Variants in UPP2 observed in about 807,000 individuals in gnomAD.
UPP2 encodes the protein uridine phosphorylase 2, also known as UPase 2.
Under a neutral mutation model 26.7 loss-of-function variants are expected in UPP2, and 23 were observed. The ratio of observed to expected loss-of-function variants is 0.86; its 90% CI spans 0.62 to 1.22. The LOEUF (loss-of-function observed/expected upper bound fraction) is 1.22. UPP2 is among the 50% of genes most tolerant of loss of function. The pLI is 0.00. For synonymous variants in UPP2, 127 were observed against 141.3 expected, an observed-to-expected ratio of 0.90 and a Z score of 0.72; for missense variants, 387 against 396.7, an observed-to-expected ratio of 0.98 and a Z score of 0.21.
At chr2:158,014,423 T>A (rs966589274) in intron 2 of UPP2, among the ~76,000 whole-genome samples, 4 of 152,176 alleles carry the variant, frequency 2.6e-5, no homozygotes, top group Non-Finnish European at 5.9e-5. Context: ...GGTAGTAAAT[T>A]CTTCTTATGG....
At chr2:158,122,070 G>T (rs758026293) in intron 5 of UPP2, among the ~76,000 whole-genome samples, 13 of 151,882 alleles carry the variant, frequency 8.6e-5, no homozygotes, top group Non-Finnish European at 1.6e-4. Flanking sequence ...TCTCAGAGCG[G>T]GGTTTTTATC....
At chr2:158,071,222 C>CATCCGTCCCACAACCCCAG (rs1390986257) in intron 3 of UPP2, among the ~76,000 whole-genome samples, 2 of 152,076 alleles carry the variant, frequency 1.3e-5, no homozygotes, top group African/African-American at 4.8e-5. Context: ...GTGCAAGCAT[C>CATCCGTCCCACAACCCCAG]ATCCCTCCCA....
At chr2:158,134,186 T>C (rs1278916144) in intron 6 of UPP2, among the ~76,000 whole-genome samples, 1 of 152,228 alleles carries the variant, frequency 6.6e-6, no homozygotes, top group East Asian at 1.9e-4. Flanking sequence ...TCATATCATG[T>C]TTTTTCCTCT....
In UPP2 at chr2:158,081,582, G is replaced by A. The variant is rs139734703; in HGVS notation, c.148-20458G>A. Among the ~76,000 whole-genome samples, 342 of 152,264 alleles carry A rather than the reference G, an allele frequency of 2.2e-3. 4 individuals are homozygous for A. Among genetic ancestry groups the A allele is most frequent in the African/African-American group, 8.0e-3 (334 of 41,556 alleles). ...GAAGCAATCTAAGTGTCGATCAGTG[G>A]TTGAATAGATAAAGGAAATGTGGTC... is the stretch of plus-strand genomic sequence containing the variant. On this transcript the variant is annotated intron_variant, in intron 3 of 9. Coordinates refer to the UPP2 transcript ENST00000605860.
At chr2:158,073,410 G>A (rs1014006709) in intron 3 of UPP2, among the ~76,000 whole-genome samples, 1 of 152,072 alleles carries the variant, frequency 6.6e-6, no homozygotes, top group Non-Finnish European at 1.5e-5. Flanking sequence ...AAAGATAGGA[G>A]TAGAAAGTTT....
rs2105188127 is a variant in UPP2, at chr2:158,072,278, T to C, written c.148-29762T>C. Among the ~76,000 whole-genome samples, 2 of 152,114 alleles carry C rather than the reference T, an allele frequency of 1.3e-5. 1 individual carries two copies. Among genetic ancestry groups the C allele is most frequent in the African/African-American group, 4.8e-5 (2 of 41,506 alleles). On this transcript the variant is annotated intron_variant, in intron 3 of 9. Transcript: ENST00000605860. The stretch of plus-strand genomic sequence containing the variant: ...AGGGAGGGAAGAACAGGAAAGACTT[T>C]GTTTTGTGGTTTGAGGGCCAGCTTA...
At chr2:158,026,768 A>G (rs1683839222) in intron 3 of UPP2, among the ~76,000 whole-genome samples, 2 of 152,312 alleles carry the variant, frequency 1.3e-5, no homozygotes, top group South Asian at 2.1e-4. Context: ...TGATAAAGAC[A>G]TACCCAAAAC....
intron 3 of UPP2, among the ~76,000 whole-genome samples, chr2:158,032,407 A>G (rs1373436949): frequency 6.6e-6 from 1 of 152,102 alleles, no homozygotes; most frequent in Non-Finnish European, 1.5e-5. Flanking sequence ...CAGGTATATG[A>G]CAAAGAGCTT....
intron 3 of UPP2, among the ~76,000 whole-genome samples, chr2:158,065,069 G>A (rs966430243): frequency 5.9e-5 from 9 of 152,280 alleles, no homozygotes; most frequent in Non-Finnish European, 1.3e-4. Flanking sequence ...CAGTGAGATC[G>A]ACGCAGTAGG....
chr2:158,015,420 TC>T (rs1442773013), intron 2 of UPP2, among the ~76,000 whole-genome samples: 1 of 152,216 alleles, frequency 6.6e-6, no homozygotes, highest in Non-Finnish European at 1.5e-5. Flanking sequence ...ATAATTTCCT[TC>T]CTTTTTTAGG....
Position 158,048,463 on chromosome 2 carries a change from G to A in UPP2, c.147+32577G>A, listed in dbSNP as rs190869237. Among the ~76,000 whole-genome samples the A allele has an allele frequency of 5.0e-4, 76 of 152,256 alleles. 1 individual carries two copies. Among genetic ancestry groups the A allele is most frequent in the African/African-American group, 1.7e-3 (70 of 41,546 alleles). On this transcript the variant is annotated intron_variant, in intron 3 of 9. Transcript: ENST00000605860. ...TCTACCAAAAAATAAAATTACCCAG[G>A]CATGGTGCCATGCACCTGTGGTCCC...
intron 3 of UPP2, among the ~76,000 whole-genome samples, chr2:158,066,568 A>C (rs1682438387): frequency 6.6e-6 from 1 of 150,804 alleles, no homozygotes; most frequent in African/African-American, 2.4e-5. Flanking sequence ...TTGCCTGCTC[A>C]CTCCATGTTT....
At chr2:158,118,157 T>C (rs1460802555) in intron 4 of UPP2, among the ~76,000 whole-genome samples, 4 of 151,972 alleles carry the variant, frequency 2.6e-5, no homozygotes, top group Non-Finnish European at 4.4e-5. Flanking sequence ...TCTCACTGCC[T>C]ATTGCGGGAT....
chr2:158,095,862 A>C (rs1395301004), intron 3 of UPP2, among the ~76,000 whole-genome samples: 1 of 152,098 alleles, frequency 6.6e-6, no homozygotes, highest in Non-Finnish European at 1.5e-5. Flanking sequence ...CTTAGACAAA[A>C]GCTTTTACAT....
Position 158,006,284 on chromosome 2 carries a change from C to T in UPP2, c.62-9517C>T, listed in dbSNP as rs139528976. On this transcript the variant is annotated intron_variant, in intron 2 of 9. Transcript: ENST00000605860. ...ACCATCCTGGCTAACACGGTGAAAC[C>T]CCGTGTTATTTAGTCTTTACTAAGA... 9.7e-3 allele frequency among the ~76,000 whole-genome samples: 1,472 copies of T among 152,100 alleles called. 11 individuals are homozygous for T. Among genetic ancestry groups the T allele is most frequent in the Non-Finnish European group, 0.015 (1,048 of 67,978 alleles).
intron 1 of UPP2, among the ~76,000 whole-genome samples, chr2:158,104,568 C>T (rs535422329): frequency 1.3e-4 from 19 of 151,940 alleles, no homozygotes; most frequent in Admixed American, 2.0e-4. Flanking sequence ...AAGTGAGAAT[C>T]GATAAAGATA....
At chr2:158,065,741 T>C (rs1682424508) in intron 3 of UPP2, 1 of 678,706 alleles carries the variant, frequency 1.5e-6, no homozygotes, top group Admixed American at 2.1e-5. Flanking sequence ...GTACCCATGT[T>C]CTCGATAGGC....
chr2:158,075,309 G>A (rs1682613429), intron 3 of UPP2, among the ~76,000 whole-genome samples: 1 of 151,954 alleles, frequency 6.6e-6, no homozygotes, highest in African/African-American at 2.4e-5. Flanking sequence ...TAGTATAAAT[G>A]TAAATGTTCT....
At chr2:158,037,032 C>T (rs1039139661) in intron 3 of UPP2, among the ~76,000 whole-genome samples, 2 of 152,112 alleles carry the variant, frequency 1.3e-5, no homozygotes. Flanking sequence ...AGATTCATTC[C>T]TATCTCAGAG....
Sources: gnomAD v4.1 joint callset for allele counts (sites outside exome capture counted in the v4.1 genomes callset) on GRCh38, gnomAD v4.1.1 for gene constraint, MANE v1.5 for transcripts, NCBI Gene and HGNC (gene_info 2026-07-23, HGNC 2026-07-21) for gene names.